FLVCR1: variants seen among roughly 807,000 people sequenced by gnomAD.
The protein encoded by FLVCR1 is FLVCR choline and heme transporter 1.
Under a neutral mutation model 53.6 loss-of-function variants are expected in FLVCR1, and 34 were observed. The ratio of observed to expected loss-of-function variants is 0.63; its 90% CI spans 0.48 to 0.84. The LOEUF (loss-of-function observed/expected upper bound fraction) is 0.84, where lower values mean the gene tolerates loss of function less well. Among genes scored for constraint, FLVCR1 ranks in the 40% least tolerant of loss-of-function variants. The pLI is 0.00. For missense variants in FLVCR1, 677 were observed against 696.7 expected (o/e 0.97, Z 0.32); for synonymous variants, 300 against 286.3 (o/e 1.05, Z -0.48).
intron 8 of FLVCR1, among the ~76,000 whole-genome samples, chr1:212,892,498 G>A (rs1278549254): frequency 6.6e-6 from 1 of 152,190 alleles, no homozygotes; most frequent in African/African-American, 2.4e-5. Flanking sequence ...TTAGTAGCAT[G>A]GTTTGCTGAA....
intron 3 of FLVCR1, among the ~76,000 whole-genome samples, chr1:212,882,184 A>G (rs1363759936): frequency 6.6e-6 from 1 of 152,154 alleles, no homozygotes; most frequent in Admixed American, 6.6e-5. Context: ...AAAACATAAT[A>G]CTCATTGCAG....
chr1:212,866,361 T>G (rs1320580045), intron 2 of FLVCR1, among the ~76,000 whole-genome samples: 1 of 152,148 alleles, frequency 6.6e-6, no homozygotes, highest in African/African-American at 2.4e-5. Context: ...CCTCAAATGA[T>G]CTGCCTGCCT....
In FLVCR1 at chr1:212,858,420, G is replaced by C. The variant is rs1389781751; in HGVS notation, c.-33G>C. 1 of 1,426,780 alleles carries C rather than the reference G, an allele frequency of 7.0e-7. No homozygotes were observed. Among genetic ancestry groups the C allele is most frequent in the African/African-American group, 1.5e-5 (1 of 68,922 alleles). The allele number at this position is 1,426,780 out of a possible 1,614,324, so 88.4% of individuals were successfully genotyped here. ...GGAGAGCGGAGTCGGGGAGTGGGGC[G>C]GGGGAGCGAGGTGGCGCCGGGGAGC... On this transcript the variant is annotated 5_prime_UTR_variant, in exon 1 of 10. Coordinates refer to ENST00000366971, the MANE Select transcript of FLVCR1 (RefSeq NM_014053.4).
intron 2 of FLVCR1, among the ~76,000 whole-genome samples, chr1:212,869,008 A>G (rs1474483799): frequency 2.0e-5 from 3 of 152,252 alleles, no homozygotes; most frequent in Non-Finnish European, 2.9e-5. Context: ...TATTTGTCTT[A>G]TAATAACCTA....
intron 1 of FLVCR1, among the ~76,000 whole-genome samples, chr1:212,860,124 T>G (rs1220958998): frequency 8.6e-6 from 1 of 115,778 alleles, no homozygotes; most frequent in Non-Finnish European, 2.1e-5. Context: ...ACACAAAAAT[T>G]AGTGGGGCAT....
At chr1:212,885,644 G>A (rs949869387) in intron 5 of FLVCR1, 15 of 353,578 alleles carry the variant, frequency 4.2e-5, no homozygotes, top group East Asian at 3.0e-4. Flanking sequence ...TCTGTCTCCC[G>A]GCTTCACGCC....
chr1:212,889,331 C>A (rs1665132768), intron 8 of FLVCR1, 74 bp downstream of exon 8: 2 of 914,666 alleles, frequency 2.2e-6, no homozygotes, highest in African/African-American at 1.6e-5. Context: ...TTCTCAATAG[C>A]TTGACAGAAC....
intron 1 of FLVCR1, among the ~76,000 whole-genome samples, chr1:212,860,305 C>A (rs892268218): frequency 2.1e-5 from 3 of 143,780 alleles, no homozygotes; most frequent in African/African-American, 7.7e-5. Flanking sequence ...TTGGTTGCAT[C>A]TGCAGGTTTG....
intron 8 of FLVCR1, among the ~76,000 whole-genome samples, chr1:212,893,065 T>TGC (rs1553266115): frequency 7.0e-6 from 1 of 142,308 alleles, no homozygotes; most frequent in Admixed American, 7.5e-5. Context: ...TCTTTTTTTT[T>TGC]GGGGGGGGGT....
intron 3 of FLVCR1, among the ~76,000 whole-genome samples, chr1:212,875,304 T>C (rs184985715): frequency 1.3e-5 from 2 of 152,318 alleles, no homozygotes; most frequent in East Asian, 1.9e-4. Flanking sequence ...ATGAGTTGTA[T>C]GGCAAGTGCA....
intron 3 of FLVCR1, 53 bp downstream of exon 3, chr1:212,872,871 G>A (rs1664643501): frequency 5.0e-6 from 8 of 1,603,702 alleles, no homozygotes; most frequent in Non-Finnish European, 6.8e-6. Context: ...TTTCAGCATT[G>A]TGGATTCTTT....
At chr1:212,887,785 G>A in intron 5 of FLVCR1, 106 bp from the exon 6 acceptor site, 1 of 667,226 alleles carries the variant, frequency 1.5e-6, no homozygotes, top group Admixed American at 2.2e-5. Context: ...AAGAAGGGGT[G>A]AACTTTGAAA....
intron 2 of FLVCR1, among the ~76,000 whole-genome samples, chr1:212,864,966 G>T: frequency 6.6e-6 from 1 of 152,116 alleles, no homozygotes; most frequent in East Asian, 1.9e-4. Context: ...AACATATGAA[G>T]TATTCAAACA....
chr1:212,885,550 CT>C (rs539282150), intron 5 of FLVCR1, 154 bp downstream of exon 5: 9,141 of 295,316 alleles, frequency 0.031, 1 homozygote, highest in Middle Eastern at 0.048. Flanking sequence ...ACAAGTGTTT[CT>C]TTTTTTTTTT....
chr1:212,884,759 G>C (rs758999336), intron 4 of FLVCR1, among the ~76,000 whole-genome samples: 15 of 152,192 alleles, frequency 9.9e-5, no homozygotes, highest in Non-Finnish European at 1.6e-4. Flanking sequence ...CCTGATGGTA[G>C]AGCCTGCTAC....
rs1005409961 is a variant in FLVCR1, at chr1:212,858,428, G to T, written c.-25G>T. 145 of 1,429,978 alleles carry T rather than the reference G, an allele frequency of 1.0e-4. No homozygotes were observed. The highest frequency in any genetic ancestry group is 1.3e-4 in the Non-Finnish European group (140 of 1,096,662). 88.6% of individuals were successfully genotyped at this position (1,429,978 alleles called of 1,614,324 possible). A position where few individuals can be genotyped will look rare whatever the true frequency, so the allele number is the denominator to read the frequency against. On this transcript the variant is annotated 5_prime_UTR_variant, in exon 1 of 10. Coordinates refer to ENST00000366971, the MANE Select transcript of FLVCR1 (RefSeq NM_014053.4). ...GAGTCGGGGAGTGGGGCGGGGGAGC[G>T]AGGTGGCGCCGGGGAGCCTGGGATA...
intron 8 of FLVCR1, among the ~76,000 whole-genome samples, chr1:212,890,052 T>C (rs1460615932): frequency 6.6e-6 from 1 of 152,188 alleles, no homozygotes; most frequent in Non-Finnish European, 1.5e-5. Flanking sequence ...GTGGTGGAAA[T>C]AGTATGTGGA....
At chr1:212,868,598 A>G (rs1403854463) in intron 2 of FLVCR1, among the ~76,000 whole-genome samples, 2 of 151,972 alleles carry the variant, frequency 1.3e-5, no homozygotes, top group Non-Finnish European at 2.9e-5. Flanking sequence ...TAGTAGAGGC[A>G]GGGTTTCTCC....
intron 8 of FLVCR1, 69 bp downstream of exon 8, chr1:212,889,326 A>C: frequency 1.0e-6 from 1 of 976,352 alleles, no homozygotes; most frequent in Non-Finnish European, 1.7e-6. Flanking sequence ...ATTGCTTCTC[A>C]ATAGCTTGAC....
Sources: allele counts gnomAD v4.1 joint callset (sites outside exome capture counted in the v4.1 genomes callset), GRCh38; gene constraint gnomAD v4.1.1; transcripts MANE v1.5; gene names NCBI Gene and HGNC (gene_info 2026-07-23, HGNC 2026-07-21).